Variants in RAPGEF5 observed in about 807,000 individuals in gnomAD.
The protein encoded by RAPGEF5 is Rap guanine nucleotide exchange factor 5.
Under a neutral mutation model 125.2 loss-of-function variants are expected in RAPGEF5, and 65 were observed. The observed-to-expected ratio is 0.52, with a 90% CI of 0.43 to 0.64. The LOEUF is 0.64. RAPGEF5 is among the 30% of genes least tolerant of loss of function. The pLI is 0.00. For synonymous variants in RAPGEF5, 391 were observed against 385.9 expected (o/e 1.01, Z -0.16); for missense variants, 958 against 1,048.1 (o/e 0.91, Z 1.19).
At position 22,233,763 on chromosome 7, in the gene RAPGEF5, G is replaced by C. The variant is rs1249733627; in HGVS notation, c.797-2844C>G. 2.6e-5 allele frequency among the ~76,000 whole-genome samples: 4 copies of C among 152,190 alleles called. No individual in the cohort carries two copies. The East Asian group carries it at 7.7e-4, about 29-fold the overall frequency. On this transcript the variant is annotated intron_variant, in intron 7 of 25. Coordinates refer to ENST00000665637, the MANE Select transcript of RAPGEF5 (RefSeq NM_012294.5). ...TAGAAATAGAACTAAAGGAGGAATA[G>C]ATGAACATAAAAGCAAACCTAGGAT...
chr7:22,128,159 T>C (rs1782806881), intron 24 of RAPGEF5, among the ~76,000 whole-genome samples: 1 of 152,166 alleles, frequency 6.6e-6, no homozygotes, highest in Non-Finnish European at 1.5e-5. Flanking sequence ...CTGGTCTTCA[T>C]CTTTAGGCTT....
At chr7:22,204,299 T>C (rs1785348702) in intron 9 of RAPGEF5, among the ~76,000 whole-genome samples, 1 of 152,226 alleles carries the variant, frequency 6.6e-6, no homozygotes, top group Non-Finnish European at 1.5e-5. Flanking sequence ...AGTTCTTATG[T>C]CTGAGCAGAC....
At chr7:22,216,606 A>C (rs780521626) in intron 9 of RAPGEF5, among the ~76,000 whole-genome samples, 5 of 152,180 alleles carry the variant, frequency 3.3e-5, no homozygotes, top group Non-Finnish European at 5.9e-5. Context: ...ATCAGAGATA[A>C]TTTCTTTAAA....
intron 6 of RAPGEF5, among the ~76,000 whole-genome samples, chr7:22,268,803 C>T (rs1782347703): frequency 6.6e-6 from 1 of 152,152 alleles, no homozygotes; most frequent in Non-Finnish European, 1.5e-5. Context: ...CTCAGTTTTT[C>T]CTTTTCCAAT....
intron 5 of RAPGEF5, among the ~76,000 whole-genome samples, chr7:22,295,110 C>G (rs1406629308): frequency 6.6e-6 from 1 of 152,080 alleles, no homozygotes; most frequent in Non-Finnish European, 1.5e-5. Context: ...TGTCTATATT[C>G]TAGACAAGTA....
chr7:22,202,009 A>G (rs1288306463), intron 9 of RAPGEF5, among the ~76,000 whole-genome samples: 4 of 152,230 alleles, frequency 2.6e-5, no homozygotes, highest in Non-Finnish European at 5.9e-5. Flanking sequence ...ACTGTAAATC[A>G]GAATGGCTCA....
At position 22,299,757 on chromosome 7, in the gene RAPGEF5, T is replaced by C. The variant is rs79502068; in HGVS notation, c.681-8516A>G. On this transcript the variant is annotated intron_variant, in intron 5 of 25. Transcript: ENST00000665637. ...TAAAATCTGTTTTCATTGTAGAGGA[T>C]TGACAGTTCTTTCTCCCCCCTCCAC... 5.3e-4 allele frequency among the ~76,000 whole-genome samples: 80 copies of C among 152,296 alleles called. 2 individuals are homozygous for C. The highest frequency in any genetic ancestry group is 1.7e-3 in the African/African-American group (69 of 41,570).
At chr7:22,301,563 C>A (rs1047250578) in intron 5 of RAPGEF5, among the ~76,000 whole-genome samples, 2 of 145,288 alleles carry the variant, frequency 1.4e-5, no homozygotes, top group Admixed American at 1.4e-4. Flanking sequence ...TGCAGTAAGC[C>A]GAGATCGTGC....
At chr7:22,320,561 CT>C (rs1488540134) in intron 1 of RAPGEF5, among the ~76,000 whole-genome samples, 1 of 152,108 alleles carries the variant, frequency 6.6e-6, no homozygotes, top group Admixed American at 6.5e-5. Context: ...CAAAAGCACC[CT>C]TGAAAATGCA....
intron 1 of RAPGEF5, among the ~76,000 whole-genome samples, chr7:22,327,515 C>T (rs890185146): frequency 5.9e-5 from 9 of 152,208 alleles, no homozygotes; most frequent in Non-Finnish European, 1.0e-4. Flanking sequence ...CGCTCTTCAC[C>T]TTCCAGAGTT....
intron 11 of RAPGEF5, among the ~76,000 whole-genome samples, chr7:22,186,958 C>T (rs1323509598): frequency 6.6e-6 from 1 of 152,164 alleles, no homozygotes; most frequent in Non-Finnish European, 1.5e-5. Flanking sequence ...CATAATTTCT[C>T]AAAGGAACTT....
chr7:22,232,354 T>G lies in RAPGEF5; in HGVS notation c.797-1435A>C, dbSNP rs1175818827. On this transcript the variant is annotated intron_variant, in intron 7 of 25. Transcript: ENST00000665637. ...TTTGAGATGAAGTCTTCACTCTTTT[T>G]GCCCAGGCTGGAGTGCAGTGGCACA... Among the ~76,000 whole-genome samples the G allele has an allele frequency of 2.6e-5, 4 of 151,450 alleles. No individual in the cohort carries two copies. In the East Asian group the frequency reaches 5.8e-4, roughly 22 times the overall value.
intron 9 of RAPGEF5, among the ~76,000 whole-genome samples, chr7:22,204,079 T>C (rs1025418979): frequency 6.6e-6 from 1 of 152,198 alleles, no homozygotes; most frequent in Admixed American, 6.5e-5. Context: ...GAATAATCCA[T>C]GGCAGCAGTT....
chr7:22,145,797 G>A (rs1189462593), intron 19 of RAPGEF5, among the ~76,000 whole-genome samples: 1 of 152,140 alleles, frequency 6.6e-6, no homozygotes, highest in African/African-American at 2.4e-5. Context: ...CTGAGTACCT[G>A]CTCTTTAAAA....
At chr7:22,160,663 G>A in intron 13 of RAPGEF5, 48 bp from the exon 14 acceptor site, 4 of 1,499,332 alleles carry the variant, frequency 2.7e-6, no homozygotes, top group Non-Finnish European at 3.5e-6. Flanking sequence ...TGCCCATTTT[G>A]TAGGGATTAA....
chr7:22,164,785 T>C (rs1050634005), intron 12 of RAPGEF5, among the ~76,000 whole-genome samples: 1 of 152,204 alleles, frequency 6.6e-6, no homozygotes, highest in Admixed American at 6.5e-5. Flanking sequence ...TTCTATGTAA[T>C]GCACAGAATA....
At chr7:22,318,377 C>A (rs1228704551) in intron 1 of RAPGEF5, among the ~76,000 whole-genome samples, 1 of 152,116 alleles carries the variant, frequency 6.6e-6, no homozygotes, top group Non-Finnish European at 1.5e-5. Context: ...CTAACTCAGG[C>A]CTTCATCACT....
At chr7:22,247,722 C>A (rs1048029528) in intron 7 of RAPGEF5, among the ~76,000 whole-genome samples, 1 of 150,882 alleles carries the variant, frequency 6.6e-6, no homozygotes, top group Non-Finnish European at 1.5e-5. Context: ...TAAAACCAAC[C>A]TAGAGACCCA....
chr7:22,355,895 A>T, intron 1 of RAPGEF5: 1 of 934,212 alleles, frequency 1.1e-6, no homozygotes, highest in Non-Finnish European at 1.3e-6. Flanking sequence ...ATTACAGCCA[A>T]ACGGGAAAGA....
Sources: gnomAD v4.1 joint callset for allele counts (sites outside exome capture counted in the v4.1 genomes callset) on GRCh38, gnomAD v4.1.1 for gene constraint, MANE v1.5 for transcripts, NCBI Gene and HGNC (gene_info 2026-07-23, HGNC 2026-07-21) for gene names.